Variants in ESR1 observed in about 807,000 individuals in gnomAD.
The protein encoded by ESR1 is estrogen receptor 1, also known as estrogen receptor.
A neutral mutation model predicts 52.7 loss-of-function variants in ESR1; 12 were observed. The ratio of observed to expected loss-of-function variants is 0.23; its 90% CI spans 0.15 to 0.37. The LOEUF (loss-of-function observed/expected upper bound fraction) is 0.37. Ranked by LOEUF, ESR1 falls within the 10% of genes least tolerant of loss-of-function variation. The pLI is 1.00. For synonymous variants in ESR1, 305 were observed against 316.8 expected (o/e 0.96, Z 0.39); for missense variants, 584 against 779.7 (o/e 0.75, Z 2.99).
intron 2 of ESR1, among the ~76,000 whole-genome samples, chr6:151,861,748 A>G (rs1250701194): frequency 6.6e-6 from 1 of 152,150 alleles, no homozygotes; most frequent in Non-Finnish European, 1.5e-5. Context: ...AGGCTTGAGT[A>G]AATGGCTCTT....
intron 3 of ESR1, among the ~76,000 whole-genome samples, chr6:151,883,894 T>C (rs1296562738): frequency 6.6e-6 from 1 of 152,170 alleles, no homozygotes; most frequent in African/African-American, 2.4e-5. Flanking sequence ...ACACCAGTCA[T>C]ATCGGATTAG....
At chr6:151,806,779 T>G (rs909198804), upstream of ESR1, among the ~76,000 whole-genome samples, 7 of 151,954 alleles carry the variant, frequency 4.6e-5, no homozygotes, top group Non-Finnish European at 8.8e-5. Flanking sequence ...TGCCAAAGCT[T>G]TGGTTCGTGA....
intron 1 of ESR1, among the ~76,000 whole-genome samples, chr6:151,822,102 T>G (rs1780652541): frequency 6.6e-6 from 1 of 152,178 alleles, no homozygotes; most frequent in African/African-American, 2.4e-5. Flanking sequence ...TTGATTTTTT[T>G]TAAATGAGTC....
At chr6:151,955,282 A>T (rs1183433512) in intron 4 of ESR1, among the ~76,000 whole-genome samples, 1 of 152,188 alleles carries the variant, frequency 6.6e-6, no homozygotes, top group East Asian at 1.9e-4. Flanking sequence ...AATATTTTTT[A>T]AAAAGAGGGT....
chr6:151,924,767 T>A (rs2032370679), intron 3 of ESR1, among the ~76,000 whole-genome samples: 1 of 152,214 alleles, frequency 6.6e-6, no homozygotes, highest in Non-Finnish European at 1.5e-5. Flanking sequence ...GGACATGCTC[T>A]CGTGTTTTTT....
chr6:152,020,452 T>C (rs9340985), intron 5 of ESR1, among the ~76,000 whole-genome samples: 20,506 of 152,032 alleles, frequency 0.13, 1,637 homozygotes, highest in East Asian at 0.36. Context: ...TTCCTTTTTT[T>C]TGTTTGTTTG....
rs559587718 is a variant in ESR1 at position 152,018,666 on chromosome 6, G to C, written c.1235+6872G>C. 3.0e-3 allele frequency among the ~76,000 whole-genome samples: 452 copies of C among 152,188 alleles called. 5 individuals are homozygous for C. Among genetic ancestry groups the C allele is most frequent in the African/African-American group, 0.01 (431 of 41,512 alleles). ...TTTCAGCAAAGTCAGTCCTGGGCAG[G>C]AGACGGCTTCAGGAATACTGTCAGC... On this transcript the variant is annotated intron_variant, in intron 5 of 7. Coordinates refer to ENST00000206249, the MANE Select transcript of ESR1 (RefSeq NM_000125.4).
chr6:151,825,773 G>A (rs926119390), intron 1 of ESR1, among the ~76,000 whole-genome samples: 1 of 151,980 alleles, frequency 6.6e-6, no homozygotes, highest in African/African-American at 2.4e-5. Context: ...TTAGCCAAGT[G>A]TGGTGACACG....
chr6:151,920,760 C>T (rs2031482411), intron 3 of ESR1, among the ~76,000 whole-genome samples: 2 of 151,810 alleles, frequency 1.3e-5, no homozygotes, highest in South Asian at 4.2e-4. Flanking sequence ...TGATTGTCAT[C>T]ACATCGTATC....
intron 1 of ESR1, among the ~76,000 whole-genome samples, chr6:151,839,525 A>G (rs1783936070): frequency 6.6e-6 from 1 of 152,210 alleles, no homozygotes; most frequent in African/African-American, 2.4e-5. Context: ...TGGGTCTTGA[A>G]GAAATATTTG....
chr6:151,666,933 AAGG>A (rs925413117), intron 1 of ESR1, among the ~76,000 whole-genome samples: 1 of 152,150 alleles, frequency 6.6e-6, no homozygotes, highest in African/African-American at 2.4e-5. Flanking sequence ...GAAGGGCTAG[AAGG>A]AGAAGAAAGG....
chr6:152,047,956 ATTTTTTTTTTTTTT>A (rs71017517), intron 5 of ESR1, among the ~76,000 whole-genome samples: 2 of 67,780 alleles, frequency 3.0e-5, no homozygotes, highest in East Asian at 4.8e-4. Context: ...CTCCTCAAGC[ATTTTTTTTTTTTTT>A]TTTTTTTTTT....
chr6:151,923,362 A>C (rs1562552232), intron 3 of ESR1, among the ~76,000 whole-genome samples: 3 of 152,180 alleles, frequency 2.0e-5, no homozygotes, highest in Admixed American at 6.5e-5. Flanking sequence ...GATTTTGACA[A>C]GTATTTAATG....
intron 3 of ESR1, among the ~76,000 whole-genome samples, chr6:151,904,061 T>G (rs1374304604): frequency 6.6e-6 from 1 of 152,242 alleles, no homozygotes; most frequent in East Asian, 1.9e-4. Context: ...GATATAAGTC[T>G]ATTATTCAGG....
At chr6:151,881,890 A>C (rs1380744495) in intron 3 of ESR1, among the ~76,000 whole-genome samples, 2 of 39,950 alleles carry the variant, frequency 5.0e-5, no homozygotes. Context: ...CTCAATAAAT[A>C]AATAAATAAA....
chr6:151,751,489 A>G (rs557902102), intron 2 of ESR1, among the ~76,000 whole-genome samples: 4 of 152,320 alleles, frequency 2.6e-5, no homozygotes, highest in African/African-American at 9.6e-5. Flanking sequence ...AATGACAGCA[A>G]TGGTGCTCCG....
intron 5 of ESR1, among the ~76,000 whole-genome samples, chr6:152,057,541 A>G (rs2047196227): frequency 6.6e-6 from 1 of 152,182 alleles, no homozygotes; most frequent in Non-Finnish European, 1.5e-5. Flanking sequence ...ATATCCCCCC[A>G]GAAGCCCTCA....
chr6:151,718,542 A>T (rs1337244038), intron 2 of ESR1, among the ~76,000 whole-genome samples: 1 of 152,220 alleles, frequency 6.6e-6, no homozygotes, highest in Non-Finnish European at 1.5e-5. Context: ...CAGGACTGGG[A>T]GAAAAAGAAA....
At chr6:152,075,200 G>A (rs1459096540) in intron 6 of ESR1, among the ~76,000 whole-genome samples, 1 of 152,136 alleles carries the variant, frequency 6.6e-6, no homozygotes, top group Admixed American at 6.5e-5. Context: ...CATTTCTCTT[G>A]CTTTAATCAG....
Sources: gnomAD v4.1 joint callset for allele counts (sites outside exome capture counted in the v4.1 genomes callset) on GRCh38, gnomAD v4.1.1 for gene constraint, MANE v1.5 for transcripts, NCBI Gene and HGNC (gene_info 2026-07-23, HGNC 2026-07-21) for gene names.